TRUB1: variants seen among roughly 807,000 people sequenced by gnomAD.
The protein encoded by TRUB1 is TruB pseudouridine synthase family member 1.
Under a neutral mutation model 33.9 loss-of-function variants are expected in TRUB1, and 23 were observed. The observed-to-expected ratio is 0.68, with a 90% CI of 0.49 to 0.96. The LOEUF (loss-of-function observed/expected upper bound fraction) is 0.96. Among genes scored for constraint, TRUB1 ranks in the 40% least tolerant of loss-of-function variants. TRUB1 has a pLI of 0.00. For synonymous variants in TRUB1, 163 were observed against 165.4 expected, an observed-to-expected ratio of 0.99 and a Z score of 0.11; for missense variants, 378 against 422.2, an observed-to-expected ratio of 0.90 and a Z score of 0.92.
At chr10:114,970,913 A>G (rs1473045495) in intron 5 of TRUB1, among the ~76,000 whole-genome samples, 1 of 152,230 alleles carries the variant, frequency 6.6e-6, no homozygotes, top group Non-Finnish European at 1.5e-5. Flanking sequence ...GAGAGTTACA[A>G]CTTATTAAAA....
At position 114,975,451 on chromosome 10, in the gene TRUB1, G is replaced by T; in HGVS notation, c.*72G>T. On this transcript the variant is annotated 3_prime_UTR_variant, in exon 8 of 8. Transcript: ENST00000298746. ...GTGTGCAGATGCAGAATGACAAGCT[G>T]CATTCAAAAGACAAACAATATGTCT... is the stretch of plus-strand genomic sequence containing the variant. The T allele has an allele frequency of 7.3e-7, 1 of 1,378,240 alleles. No homozygotes were observed. The allele number at this position is 1,378,240 out of a possible 1,614,324, so 85.4% of individuals were successfully genotyped here. A position where few individuals can be genotyped will look rare whatever the true frequency, so the allele number is the denominator to read the frequency against.
At chr10:114,953,672 G>A (rs1428073606) in intron 3 of TRUB1, among the ~76,000 whole-genome samples, 1 of 152,064 alleles carries the variant, frequency 6.6e-6, no homozygotes, top group African/African-American at 2.4e-5. Context: ...AGGAGTAGTC[G>A]AGGCTGGGTA....
intron 4 of TRUB1, among the ~76,000 whole-genome samples, chr10:114,962,856 A>G (rs2084290100): frequency 6.6e-6 from 1 of 152,206 alleles, no homozygotes; most frequent in African/African-American, 2.4e-5. Context: ...TAGAGTTTGA[A>G]TCAAAAAAGA....
chr10:114,949,946 T>C (rs1266298117), intron 2 of TRUB1, among the ~76,000 whole-genome samples: 1 of 148,558 alleles, frequency 6.7e-6, no homozygotes, highest in Non-Finnish European at 1.5e-5. Context: ...TCACCCAGGC[T>C]GGAGTGCAAT....
intron 4 of TRUB1, among the ~76,000 whole-genome samples, chr10:114,962,797 G>A (rs1036947236): frequency 6.6e-6 from 1 of 152,180 alleles, no homozygotes; most frequent in Non-Finnish European, 1.5e-5. Flanking sequence ...GTCCTCAGTA[G>A]TGTATTTTTG....
intron 6 of TRUB1, among the ~76,000 whole-genome samples, chr10:114,972,513 T>C (rs1473153146): frequency 6.6e-6 from 1 of 152,222 alleles, no homozygotes; most frequent in Non-Finnish European, 1.5e-5. Context: ...TATTGTACTA[T>C]GTTATCTTAC....
At position 114,971,128 on chromosome 10, in the gene TRUB1, G is replaced by T. The variant is rs551128937; in HGVS notation, c.596+688G>T. Among the ~76,000 whole-genome samples the T allele has an allele frequency of 8.4e-4, 128 of 152,256 alleles. 2 individuals carry two copies. In the South Asian group the frequency reaches 0.026, roughly 31 times the overall value. ...TTCTTACCGTATCCTCCTAGTAGAA[G>T]GGGCAAGGCAGCTCTCTGGAGCCTC... On this transcript the variant is annotated intron_variant, in intron 5 of 7. Transcript: ENST00000298746.
chr10:114,965,467 A>G (rs1044556286), intron 4 of TRUB1, among the ~76,000 whole-genome samples: 8 of 152,068 alleles, frequency 5.3e-5, no homozygotes, highest in African/African-American at 1.9e-4. Flanking sequence ...TTGTTTTGCT[A>G]ATATTTAGTT....
chr10:114,962,430 T>C (rs1343614455), intron 4 of TRUB1, among the ~76,000 whole-genome samples: 1 of 152,260 alleles, frequency 6.6e-6, no homozygotes, highest in African/African-American at 2.4e-5. Context: ...TTCTTATTCC[T>C]CTGAGCTAGC....
chr10:114,952,284 CA>C (rs1360186433), intron 3 of TRUB1, among the ~76,000 whole-genome samples: 1 of 152,004 alleles, frequency 6.6e-6, no homozygotes, highest in African/African-American at 2.4e-5. Context: ...TTAAAAATAC[CA>C]AAAAAAGTAT....
At chr10:114,968,671 T>G (rs2084321516) in intron 4 of TRUB1, among the ~76,000 whole-genome samples, 1 of 152,188 alleles carries the variant, frequency 6.6e-6, no homozygotes, top group Non-Finnish European at 1.5e-5. Context: ...AGAAATTCTT[T>G]TGAGTGTTAT....
At position 114,951,022 on chromosome 10, in the gene TRUB1, A is replaced by C; in HGVS notation, c.386-72A>C. On this transcript the variant is annotated intron_variant, in intron 2 of 7. Transcript: ENST00000298746. ...TTACCTAAGCTGGGAAATTATGACC[A>C]AAAAATATAGCTATTTTAAAAACCT... The C allele has an allele frequency of 2.2e-6, 3 of 1,372,590 alleles. No individual in the cohort carries two copies. The Admixed American group carries it at 5.4e-5, about 25-fold the overall frequency. The allele number at this position is 1,372,590 out of a possible 1,614,324, so 85.0% of individuals were successfully genotyped here.
intron 2 of TRUB1, among the ~76,000 whole-genome samples, 158 bp downstream of exon 2, chr10:114,942,901 C>G (rs1374389361): frequency 6.6e-6 from 1 of 152,122 alleles, no homozygotes. Context: ...TTTAAAGAAG[C>G]CCTTAAATGG....
intron 5 of TRUB1, 145 bp downstream of exon 5, chr10:114,970,585 A>G: frequency 4.5e-6 from 3 of 661,434 alleles, no homozygotes; most frequent in South Asian, 1.9e-5. Context: ...AGTGAAGGTG[A>G]GACAGGATGT....
intron 3 of TRUB1, among the ~76,000 whole-genome samples, chr10:114,952,206 AG>A (rs2084238826): frequency 6.6e-6 from 1 of 152,224 alleles, no homozygotes; most frequent in Non-Finnish European, 1.5e-5. Flanking sequence ...TGGAAGGCCG[AG>A]GCGGGCAGAT....
chr10:114,958,695 G>C (rs11197012), intron 3 of TRUB1, among the ~76,000 whole-genome samples: 46,274 of 152,152 alleles, frequency 0.3, 8,382 homozygotes, highest in Non-Finnish European at 0.42. Context: ...AAAAGAGTAC[G>C]TACTACAAGT....
Position 114,965,190 on chromosome 10 carries a change from A to G in TRUB1, c.524-5178A>G, listed in dbSNP as rs189413663. Among the ~76,000 whole-genome samples, 921 of 151,848 alleles carry G rather than the reference A, an allele frequency of 6.1e-3. 9 individuals are homozygous for G. The highest frequency in any genetic ancestry group is 0.021 in the African/African-American group (889 of 41,434). ...GTGATCTGCCTGCCTCAGCCTCCCA[A>G]AGTGCTGAGATTACAGGCTTGAGCC... On this transcript the variant is annotated intron_variant, in intron 4 of 7. Transcript: ENST00000298746.
At chr10:114,962,844 T>C (rs1046653683) in intron 4 of TRUB1, among the ~76,000 whole-genome samples, 2 of 152,132 alleles carry the variant, frequency 1.3e-5, no homozygotes, top group Admixed American at 6.5e-5. Context: ...ATATATGACA[T>C]ATAGAGTTTG....
chr10:114,953,330 CA>C (rs1474486445), intron 3 of TRUB1, among the ~76,000 whole-genome samples: 1 of 152,116 alleles, frequency 6.6e-6, no homozygotes, highest in African/African-American at 2.4e-5. Flanking sequence ...TTAGGTATTT[CA>C]AAAATAGGCA....
Sources: gnomAD v4.1 joint callset for allele counts (sites outside exome capture counted in the v4.1 genomes callset) on GRCh38, gnomAD v4.1.1 for gene constraint, MANE v1.5 for transcripts, NCBI Gene and HGNC (gene_info 2026-07-23, HGNC 2026-07-21) for gene names.